Variants in ST6GALNAC3 observed in about 807,000 individuals in gnomAD.
ST6GALNAC3 encodes ST6 N-acetylgalactosaminide alpha-2,6-sialyltransferase 3, also known as alpha-N-acetylgalactosaminide alpha-2,6-sialyltransferase 3.
ST6GALNAC3 carries 25 observed loss-of-function variants against 32.7 expected under a neutral mutation model. That is an observed-to-expected ratio of 0.76 (90% CI 0.56 to 1.07). The LOEUF (loss-of-function observed/expected upper bound fraction) is 1.07. ST6GALNAC3 is among the 50% of genes least tolerant of loss of function. The pLI is 0.00. For missense variants in ST6GALNAC3, 355 were observed against 382.4 expected, an observed-to-expected ratio of 0.93 and a Z score of 0.60; for synonymous variants, 129 against 133.1, an observed-to-expected ratio of 0.97 and a Z score of 0.21.
At chr1:76,454,598 T>G (rs1657638566) in intron 3 of ST6GALNAC3, among the ~76,000 whole-genome samples, 1 of 152,162 alleles carries the variant, frequency 6.6e-6, no homozygotes, top group Admixed American at 6.5e-5. Flanking sequence ...TTAAGGAGAC[T>G]GAAAATAGGG....
At chr1:76,537,007 C>T (rs1004412519) in intron 3 of ST6GALNAC3, among the ~76,000 whole-genome samples, 24 of 152,160 alleles carry the variant, frequency 1.6e-4, no homozygotes, top group African/African-American at 5.8e-4. Flanking sequence ...ATCTACAGAA[C>T]TCTCCACGCC....
At chr1:76,237,072 C>T (rs147750656) in intron 1 of ST6GALNAC3, among the ~76,000 whole-genome samples, 5 of 152,262 alleles carry the variant, frequency 3.3e-5, no homozygotes, top group East Asian at 3.9e-4. Flanking sequence ...GCAAGATTCA[C>T]GGGGCCACGG....
intron 1 of ST6GALNAC3, among the ~76,000 whole-genome samples, chr1:76,113,304 CG>C (rs1648212649): frequency 7.4e-6 from 1 of 135,822 alleles, no homozygotes; most frequent in African/African-American, 2.7e-5. Flanking sequence ...GTCCAGCTTC[CG>C]CTCGGCATCA....
intron 2 of ST6GALNAC3, among the ~76,000 whole-genome samples, chr1:76,368,070 A>C (rs1650519671): frequency 6.6e-6 from 1 of 152,222 alleles, no homozygotes; most frequent in Non-Finnish European, 1.5e-5. Context: ...CACTTTGCCA[A>C]CTGCCCTCTG....
intron 3 of ST6GALNAC3, among the ~76,000 whole-genome samples, chr1:76,593,540 A>G (rs983670572): frequency 6.6e-5 from 10 of 152,314 alleles, no homozygotes; most frequent in African/African-American, 2.4e-4. Flanking sequence ...TGAATGTGGC[A>G]GAATAAAAAG....
At chr1:76,370,757 A>G (rs1650752558) in intron 2 of ST6GALNAC3, among the ~76,000 whole-genome samples, 1 of 151,998 alleles carries the variant, frequency 6.6e-6, no homozygotes, top group African/African-American at 2.4e-5. Context: ...ATGTTTTTGG[A>G]GTTTATTTTC....
rs1354043994 is a variant in ST6GALNAC3 at position 76,632,216 on chromosome 1, C to CA, written c.*3415dup. 1.3e-5 allele frequency: 2 copies of CA among 151,956 alleles called. No homozygotes were observed. Among genetic ancestry groups the CA allele is most frequent in the Non-Finnish European group, 2.9e-5 (2 of 67,968 alleles). The allele number at this position is 151,956 out of a possible 1,614,324, so 9.4% of individuals were successfully genotyped here. A position where few individuals can be genotyped will look rare whatever the true frequency, so the allele number is the denominator to read the frequency against. On this transcript the variant is annotated 3_prime_UTR_variant, in exon 5 of 5. Coordinates refer to ENST00000328299, the MANE Select transcript of ST6GALNAC3 (RefSeq NM_152996.4). Reference sequence around the variant, plus strand: ...ACATTTTGAATCCTGATGAAAAAAGCAAAAATCCAAATTAAATGGACTGAT... The same window carrying CA: ...ACATTTTGAATCCTGATGAAAAAAGCAAAAAATCCAAATTAAATGGACTGAT...
At chr1:76,117,205 G>A (rs973489061) in intron 1 of ST6GALNAC3, among the ~76,000 whole-genome samples, 4 of 152,100 alleles carry the variant, frequency 2.6e-5, no homozygotes, top group Non-Finnish European at 4.4e-5. Flanking sequence ...GGCAATCTTC[G>A]GATTGTAAAT....
At chr1:76,202,838 G>C (rs1252450416) in intron 1 of ST6GALNAC3, among the ~76,000 whole-genome samples, 2 of 152,186 alleles carry the variant, frequency 1.3e-5, no homozygotes, top group Admixed American at 1.3e-4. Context: ...TTTGGACCCT[G>C]AGTGTTAAAT....
At position 76,493,096 on chromosome 1, in the gene ST6GALNAC3, C is replaced by T. The variant is rs188329637; in HGVS notation, c.623+80679C>T. Among the ~76,000 whole-genome samples, 4 of 151,996 alleles carry T rather than the reference C, an allele frequency of 2.6e-5. No homozygotes were observed. In the East Asian group the frequency reaches 7.7e-4, roughly 29 times the overall value. ...CTCTTATACTTCATTTTACTTCCCA[C>T]CACATTCAATTTCAGATTTTTTGTT... On this transcript the variant is annotated intron_variant, in intron 3 of 4. Transcript: ENST00000328299.
intron 1 of ST6GALNAC3, among the ~76,000 whole-genome samples, chr1:76,210,709 A>G (rs1004488242): frequency 1.3e-5 from 2 of 152,116 alleles, no homozygotes; most frequent in African/African-American, 2.4e-5. Context: ...TCACATGGAC[A>G]TGGACTTTTC....
chr1:76,244,672 A>G (rs546542331), intron 1 of ST6GALNAC3, among the ~76,000 whole-genome samples: 7 of 152,328 alleles, frequency 4.6e-5, no homozygotes, highest in African/African-American at 1.2e-4. Flanking sequence ...AATTTTATCA[A>G]TGGCGTTTTC....
chr1:76,419,295 G>C (rs1399661549), intron 3 of ST6GALNAC3, among the ~76,000 whole-genome samples: 4 of 151,902 alleles, frequency 2.6e-5, no homozygotes, highest in Non-Finnish European at 5.9e-5. Flanking sequence ...AAATTATACT[G>C]TATAGAAAAA....
chr1:76,301,205 T>C (rs1234910222), intron 1 of ST6GALNAC3, among the ~76,000 whole-genome samples: 2 of 152,040 alleles, frequency 1.3e-5, no homozygotes, highest in East Asian at 1.9e-4. Context: ...AAAGTAACTT[T>C]AGTGGCAGCA....
At chr1:76,178,007 G>A (rs1421072521) in intron 1 of ST6GALNAC3, among the ~76,000 whole-genome samples, 2 of 152,222 alleles carry the variant, frequency 1.3e-5, no homozygotes, top group African/African-American at 2.4e-5. Flanking sequence ...AACTGATCCA[G>A]CATCCCTGGC....
chr1:76,203,079 A>G (rs945363719), intron 1 of ST6GALNAC3, among the ~76,000 whole-genome samples: 5 of 152,310 alleles, frequency 3.3e-5, no homozygotes, highest in Non-Finnish European at 2.9e-5. Context: ...ACAAAAGTCA[A>G]TTATGTACAA....
In ST6GALNAC3 at chr1:76,110,649, G is replaced by T. The variant is rs405932; in HGVS notation, c.18+35765G>T. 9.6e-4 allele frequency among the ~76,000 whole-genome samples: 147 copies of T among 152,346 alleles called. 1 individual carries two copies. The highest frequency in any genetic ancestry group is 2.2e-4 in the Non-Finnish European group (15 of 68,038). On this transcript the variant is annotated intron_variant, in intron 1 of 4. Transcript: ENST00000328299. ...ATAAAGTTGAGTGCTAAAGGAGCAG[G>T]CTGTGTAGACAGATTGCAAGTGTCC...
intron 3 of ST6GALNAC3, among the ~76,000 whole-genome samples, chr1:76,537,031 A>G (rs143397992): frequency 2.0e-5 from 3 of 152,318 alleles, no homozygotes; most frequent in East Asian, 1.9e-4. Context: ...TTAACAGACT[A>G]TACGTTCTTC....
At chr1:76,322,484 A>G (rs1267618564) in intron 2 of ST6GALNAC3, among the ~76,000 whole-genome samples, 2 of 152,204 alleles carry the variant, frequency 1.3e-5, no homozygotes, top group Admixed American at 6.5e-5. Flanking sequence ...GCAGCCTGTA[A>G]TGATGATGGC....
Sources: allele counts gnomAD v4.1 joint callset (sites outside exome capture counted in the v4.1 genomes callset), GRCh38; gene constraint gnomAD v4.1.1; transcripts MANE v1.5; gene names NCBI Gene and HGNC (gene_info 2026-07-23, HGNC 2026-07-21).